PAWR: variants seen among roughly 807,000 people sequenced by gnomAD.
PAWR encodes PRKC apoptosis WT1 regulator protein.
A neutral mutation model predicts 32.0 loss-of-function variants in PAWR; 23 were observed. The observed-to-expected ratio is 0.72, with a 90% CI of 0.52 to 1.02. The LOEUF (loss-of-function observed/expected upper bound fraction) is 1.02. Among genes scored for constraint, PAWR ranks in the 50% least tolerant of loss-of-function variants. The probability of loss-of-function intolerance (pLI) is 0.00; values close to 1 mark genes in which losing one functional copy is unlikely to be tolerated. For missense variants in PAWR, 457 were observed against 437.7 expected, an observed-to-expected ratio of 1.04 and a Z score of -0.39; for synonymous variants, 226 against 187.1, an observed-to-expected ratio of 1.21 and a Z score of -1.70.
intron 2 of PAWR, among the ~76,000 whole-genome samples, chr12:79,643,445 C>A (rs540386676): frequency 6.8e-4 from 104 of 152,132 alleles, no homozygotes; most frequent in African/African-American, 2.4e-3. Flanking sequence ...CCAGGTACCC[C>A]CTGCCGTGAA....
At chr12:79,662,819 T>C (rs1432467966) in intron 2 of PAWR, among the ~76,000 whole-genome samples, 1 of 152,190 alleles carries the variant, frequency 6.6e-6, no homozygotes, top group East Asian at 1.9e-4. Flanking sequence ...CATGTGAAGA[T>C]GGAGTAAGGA....
chr12:79,627,064 C>T (rs1276799188), intron 2 of PAWR, among the ~76,000 whole-genome samples: 1 of 152,164 alleles, frequency 6.6e-6, no homozygotes, highest in Non-Finnish European at 1.5e-5. Flanking sequence ...GTGCATGTGG[C>T]TTTATAGCAG....
chr12:79,673,721 T>C (rs1878023968), intron 2 of PAWR, among the ~76,000 whole-genome samples: 1 of 152,202 alleles, frequency 6.6e-6, no homozygotes, highest in African/African-American at 2.4e-5. Context: ...ATAGGTAATA[T>C]ACTTTATGGT....
intron 2 of PAWR, among the ~76,000 whole-genome samples, chr12:79,629,943 T>A (rs115343911): frequency 6.6e-6 from 1 of 151,972 alleles, no homozygotes; most frequent in African/African-American, 2.4e-5. Context: ...AAGCACAACA[T>A]AAAATTTGAA....
Position 79,585,379 on chromosome 12 carries a change from C to T in PAWR, c.*7228G>A, listed in dbSNP as rs139844905. The T allele has an allele frequency of 4.8e-6, 1 of 208,676 alleles. No homozygotes were observed. The highest frequency in any genetic ancestry group is 9.7e-6 in the Non-Finnish European group (1 of 102,608). The allele number at this position is 208,676 out of a possible 1,614,324, so 12.9% of individuals were successfully genotyped here. On this transcript the variant is annotated 3_prime_UTR_variant, in exon 7 of 7. Coordinates refer to ENST00000328827, the MANE Select transcript of PAWR (RefSeq NM_002583.4). ...GGGGCCAAATAATTTGTATTTCTAA[C>T]AGGTTTCTAAGTGAAGTCAATGCTA...
At position 79,600,773 on chromosome 12, in the gene PAWR, T is replaced by C. The variant is rs189534229; in HGVS notation, c.684-4115A>G. On this transcript the variant is annotated intron_variant, in intron 4 of 6. Coordinates refer to ENST00000328827, the MANE Select transcript of PAWR (RefSeq NM_002583.4). ...GGATTACAGGCATAAGCCAGCCACA[T>C]TTTACTTAATTCTTACACATTTTTG... is the stretch of plus-strand genomic sequence containing the variant. Among the ~76,000 whole-genome samples, 5 of 150,336 alleles carry C rather than the reference T, an allele frequency of 3.3e-5. No individual in the cohort carries two copies. The East Asian group carries it at 1.0e-3, about 30-fold the overall frequency.
chr12:79,609,991 C>T (rs1024058838), intron 4 of PAWR, among the ~76,000 whole-genome samples: 3 of 152,190 alleles, frequency 2.0e-5, no homozygotes, highest in Admixed American at 6.5e-5. Context: ...GGTCCAAAAG[C>T]GCTCACCCTG....
intron 3 of PAWR, among the ~76,000 whole-genome samples, chr12:79,619,612 G>A (rs1874905567): frequency 6.6e-6 from 1 of 152,106 alleles, no homozygotes; most frequent in African/African-American, 2.4e-5. Flanking sequence ...TGATATGGGG[G>A]TACTGCTATA....
At chr12:79,607,642 T>C (rs1169698442) in intron 4 of PAWR, among the ~76,000 whole-genome samples, 1 of 150,692 alleles carries the variant, frequency 6.6e-6, no homozygotes, top group Non-Finnish European at 1.5e-5. Context: ...AGCTGGAGGA[T>C]CACCTGAGCC....
chr12:79,663,739 C>A (rs929471544), intron 2 of PAWR, among the ~76,000 whole-genome samples: 1 of 150,536 alleles, frequency 6.6e-6, no homozygotes, highest in Non-Finnish European at 1.5e-5. Flanking sequence ...CCAGCCTGGG[C>A]AATGGAGTGA....
chr12:79,643,118 T>C (rs1441367432), intron 2 of PAWR, among the ~76,000 whole-genome samples: 1 of 152,168 alleles, frequency 6.6e-6, no homozygotes, highest in Non-Finnish European at 1.5e-5. Context: ...CTATACTATG[T>C]AACAAGAACC....
intron 2 of PAWR, among the ~76,000 whole-genome samples, chr12:79,642,608 C>T (rs1876379338): frequency 1.3e-5 from 2 of 152,016 alleles, no homozygotes; most frequent in South Asian, 4.2e-4. Context: ...CTCTCTCTCC[C>T]CCTCCTAGTA....
chr12:79,619,869 T>C (rs1282889358), intron 3 of PAWR, among the ~76,000 whole-genome samples: 2 of 152,206 alleles, frequency 1.3e-5, no homozygotes, highest in Non-Finnish European at 2.9e-5. Flanking sequence ...TGTGTAAGTT[T>C]AAATAAAACG....
chr12:79,657,016 T>C (rs1187718327), intron 2 of PAWR, among the ~76,000 whole-genome samples: 1 of 152,076 alleles, frequency 6.6e-6, no homozygotes. Flanking sequence ...AATCTAAGTA[T>C]TGAACAGCAT....
At chr12:79,594,225 A>G in intron 6 of PAWR, 104 bp downstream of exon 6, 1 of 563,718 alleles carries the variant, frequency 1.8e-6, no homozygotes. Context: ...CACTAACAAA[A>G]GAACAAAGTG....
At chr12:79,649,026 T>G (rs1265368472) in intron 2 of PAWR, among the ~76,000 whole-genome samples, 1 of 152,192 alleles carries the variant, frequency 6.6e-6, no homozygotes, top group African/African-American at 2.4e-5. Context: ...TAAAAAGGAA[T>G]GTTTTCACAG....
chr12:79,681,828 T>C (rs914009344), intron 2 of PAWR, among the ~76,000 whole-genome samples: 3 of 152,212 alleles, frequency 2.0e-5, no homozygotes, highest in African/African-American at 7.2e-5. Flanking sequence ...GTAACTTCTT[T>C]GATTATTTCA....
At chr12:79,648,617 TAA>T (rs1170404778) in intron 2 of PAWR, among the ~76,000 whole-genome samples, 54 of 108,274 alleles carry the variant, frequency 5.0e-4, no homozygotes, top group Admixed American at 7.9e-4. Flanking sequence ...ACCCTGTCTC[TAA>T]AAAAAAAAAA....
intron 2 of PAWR, among the ~76,000 whole-genome samples, chr12:79,658,931 G>T (rs1877218240): frequency 6.7e-6 from 1 of 149,936 alleles, no homozygotes; most frequent in African/African-American, 2.5e-5. Flanking sequence ...AAAGTGCTGG[G>T]ATTACAGTCA....
Sources: gnomAD v4.1 joint callset for allele counts (sites outside exome capture counted in the v4.1 genomes callset) on GRCh38, gnomAD v4.1.1 for gene constraint, MANE v1.5 for transcripts, NCBI Gene and HGNC (gene_info 2026-07-23, HGNC 2026-07-21) for gene names.